FRMPD1: variants seen among roughly 807,000 people sequenced by gnomAD.
FRMPD1 encodes the protein FERM and PDZ domain containing 1, also known as FERM and PDZ domain-containing protein 1.
In FRMPD1, 76 loss-of-function variants were observed where a neutral mutation model predicts 117.8. The ratio of observed to expected loss-of-function variants is 0.65; its 90% confidence interval spans 0.54 to 0.78. FRMPD1 has a LOEUF of 0.78. FRMPD1 is among the 30% of genes least tolerant of loss of function. FRMPD1 has a pLI of 0.00. For missense variants in FRMPD1, 1,786 were observed against 1,964.5 expected, an observed-to-expected ratio of 0.91 and a Z score of 1.72; for synonymous variants, 783 against 770.4, an observed-to-expected ratio of 1.02 and a Z score of -0.27.
intron 15 of FRMPD1, 77 bp from the exon 16 acceptor site, chr9:37,744,312 C>T: frequency 9.0e-7 from 1 of 1,107,314 alleles, no homozygotes; most frequent in East Asian, 2.4e-5. Flanking sequence ...CCCAGGAAAG[C>T]CCAAGGCCTG....
At chr9:37,634,653 CAT>C in the FRMPD1 span, among the ~76,000 whole-genome samples, 4,634 of 152,200 alleles carry the variant, frequency 0.03, 113 homozygotes, top group Middle Eastern at 0.072. Context: ...TTCTGAAACC[CAT>C]ATCTTTTTTC....
At position 37,744,959 on chromosome 9, in the gene FRMPD1, C is replaced by A. The variant is rs779854164; in HGVS notation, c.2927C>A (p.Ser976Ter). ...ACTCCTCACTGTTCTAACCCAGGTT[C>A]ATCTGGCCCAGATACTGCTCAGGCA... ...ASTPHCSNPG[S>*]SGPDTAQARP... The change falls in exon 16 of 16, where the codon TCA becomes TAA. Residue 976 changes from serine to a stop codon, truncating the protein, a stop_gained. Transcript: ENST00000377765. LOFTEE classifies it low-confidence loss of function (END_TRUNC). 6.2e-7 allele frequency: 1 copy of A among 1,614,206 alleles called. No individual in the cohort carries two copies. The highest frequency in any genetic ancestry group is 1.7e-5 in the Admixed American group (1 of 60,032).
chr9:37,741,269 C>T (rs576399520), intron 15 of FRMPD1, among the ~76,000 whole-genome samples: 1 of 152,076 alleles, frequency 6.6e-6, no homozygotes, highest in Admixed American at 6.5e-5. Context: ...TTAAAGGAGG[C>T]CTTGAAGCAA....
At chr9:37,607,020 T>A in the FRMPD1 span, among the ~76,000 whole-genome samples, 1 of 152,114 alleles carries the variant, frequency 6.6e-6, no homozygotes, top group African/African-American at 2.4e-5. Context: ...AATGTAGAAA[T>A]CATTAGAAAC....
chr9:37,654,345 C>A (rs1403000298), intron 1 of FRMPD1, among the ~76,000 whole-genome samples: 1 of 152,128 alleles, frequency 6.6e-6, no homozygotes, highest in East Asian at 1.9e-4. Flanking sequence ...AGAGAGGGAG[C>A]CAGTCTTGCC....
the FRMPD1 span, among the ~76,000 whole-genome samples, chr9:37,603,272 T>C: frequency 6.6e-6 from 1 of 152,214 alleles, no homozygotes; most frequent in Non-Finnish European, 1.5e-5. Context: ...CTCTACAGTC[T>C]CTTCCAGGAT....
chr9:37,646,329 A>C (rs949321234), upstream of FRMPD1, among the ~76,000 whole-genome samples: 2 of 152,226 alleles, frequency 1.3e-5, no homozygotes, highest in African/African-American at 4.8e-5. Flanking sequence ...TGTTGACTGA[A>C]TGAATGAATA....
the FRMPD1 span, among the ~76,000 whole-genome samples, chr9:37,621,995 A>G: frequency 1.3e-5 from 2 of 152,228 alleles, no homozygotes; most frequent in Non-Finnish European, 2.9e-5. Flanking sequence ...GAATGCCTTC[A>G]TACTCAGGTG....
intron 1 of FRMPD1, among the ~76,000 whole-genome samples, chr9:37,692,147 A>G (rs1253514500): frequency 6.6e-6 from 1 of 152,234 alleles, no homozygotes; most frequent in Non-Finnish European, 1.5e-5. Context: ...TATGTAAGTG[A>G]AATACTTATT....
intron 2 of FRMPD1, among the ~76,000 whole-genome samples, chr9:37,705,219 T>A (rs560062358): frequency 6.6e-6 from 1 of 152,206 alleles, no homozygotes; most frequent in Non-Finnish European, 1.5e-5. Flanking sequence ...AAAAAAAAAA[T>A]AATAAGGTGG....
chr9:37,744,691 C>T lies in FRMPD1; in HGVS notation c.2659C>T (p.Leu887=). The change falls in exon 16 of 16, where the codon CTG becomes TTG. Residue 887 remains leucine, a synonymous_variant. Coordinates refer to ENST00000377765, the MANE Select transcript of FRMPD1 (RefSeq NM_014907.3). ...TGCACCCTCCCCAACTGTGTCCTCT[C>T]TGCAGGACATGCAGGGTGAGCCTGG... ...LGAPSPTVSS[L]QDMQGEPGLL... 4 of 1,613,840 alleles carry T rather than the reference C, an allele frequency of 2.5e-6. No individual in the cohort carries two copies. Among genetic ancestry groups the T allele is most frequent in the South Asian group, 1.1e-5 (1 of 91,084 alleles).
rs776607197 is a variant in FRMPD1 at position 37,729,827 on chromosome 9, C to T, written c.712C>T (p.Leu238=). The change falls in exon 8 of 16, where the codon CTG becomes TTG. Residue 238 remains leucine (L), a synonymous_variant. Coordinates refer to ENST00000377765, the MANE Select transcript of FRMPD1 (RefSeq NM_014907.3). Reference sequence around the variant, plus strand: ...GTACAGCATCTCCCGGCTGCACCTGCTGCACGAAGAGGAACTCATCCAGCA... The same window carrying T: ...GTACAGCATCTCCCGGCTGCACCTGTTGCACGAAGAGGAACTCATCCAGCA... ...EQYSISRLHL[L]HEEELIQQVV... is the part of the protein sequence containing the mutation. 2 of 1,613,944 alleles carry T rather than the reference C, an allele frequency of 1.2e-6. No individual in the cohort carries two copies. The highest frequency in any genetic ancestry group is 1.3e-5 in the African/African-American group (1 of 75,038).
the FRMPD1 span, among the ~76,000 whole-genome samples, chr9:37,633,363 C>T: frequency 6.6e-6 from 1 of 152,182 alleles, no homozygotes; most frequent in Non-Finnish European, 1.5e-5. Flanking sequence ...GCTTCTAATG[C>T]ATATAGTTAA....
rs769520391 is a variant in FRMPD1 at position 37,707,539 on chromosome 9, G to T, written c.225G>T (p.Glu75Asp). 4 of 1,613,922 alleles carry T rather than the reference G, an allele frequency of 2.5e-6. No homozygotes were observed. The African/African-American group carries it at 5.3e-5, about 22-fold the overall frequency. The change falls in exon 3 of 16, where the codon GAG becomes GAT. Residue 75 changes from glutamate (E) to aspartate (D), a missense_variant. Physicochemically the swap from Glu to Asp is conservative, Grantham distance 45. Coordinates refer to ENST00000377765, the MANE Select transcript of FRMPD1 (RefSeq NM_014907.3). ...AGGACTATGGATTTCACATTTCTGAGAGCCTTCCCCTTACAGTGGTGGCTG... is the reference window on the plus strand; with the variant it reads ...AGGACTATGGATTTCACATTTCTGATAGCCTTCCCCTTACAGTGGTGGCTG... ...LLQDYGFHIS[E>D]SLPLTVVAVT...
At chr9:37,637,180 G>A in the FRMPD1 span, 6 of 1,609,818 alleles carry the variant, frequency 3.7e-6, no homozygotes, top group East Asian at 1.3e-4. Flanking sequence ...CGATGGTGCT[G>A]ATGTAGCTCT....
intron 1 of FRMPD1, among the ~76,000 whole-genome samples, chr9:37,667,059 A>C (rs1588910672): frequency 1.2e-5 from 1 of 83,702 alleles, no homozygotes; most frequent in Non-Finnish European, 2.1e-5. Flanking sequence ...CAATTGAAGC[A>C]TGCTTTTTTT....
At chr9:37,679,873 A>G (rs1284850998) in intron 1 of FRMPD1, among the ~76,000 whole-genome samples, 2 of 152,224 alleles carry the variant, frequency 1.3e-5, no homozygotes, top group African/African-American at 2.4e-5. Context: ...GTCATTTGCC[A>G]TCCATCACTG....
chr9:37,696,308 A>ATATATATT (rs1265477698), intron 2 of FRMPD1, among the ~76,000 whole-genome samples: 1 of 151,320 alleles, frequency 6.6e-6, no homozygotes, highest in East Asian at 1.9e-4. Flanking sequence ...TTATAATTAT[A>ATATATATT]TATATATTTA....
chr9:37,617,487 T>C, the FRMPD1 span, among the ~76,000 whole-genome samples: 12 of 152,260 alleles, frequency 7.9e-5, no homozygotes, highest in African/African-American at 2.9e-4. Flanking sequence ...TATAGAATTA[T>C]TGTGAGGATT....
Sources: gnomAD v4.1 joint callset for allele counts (sites outside exome capture counted in the v4.1 genomes callset) on GRCh38, gnomAD v4.1.1 for gene constraint, MANE v1.5 for transcripts, NCBI Gene and HGNC (gene_info 2026-07-23, HGNC 2026-07-21) for gene names.